GTF2F2: variants seen among roughly 807,000 people sequenced by gnomAD.
The protein encoded by GTF2F2 is ATP-dependent helicase GTF2F2.
GTF2F2 carries 23 observed loss-of-function variants against 42.2 expected under a neutral mutation model. That is an observed-to-expected ratio of 0.55 (90% CI 0.39 to 0.77). The LOEUF (loss-of-function observed/expected upper bound fraction) is 0.77, where lower values mean the gene tolerates loss of function less well. Among genes scored for constraint, GTF2F2 ranks in the 30% least tolerant of loss-of-function variants. The pLI is 0.00. For synonymous variants in GTF2F2, 105 were observed against 100.8 expected, an observed-to-expected ratio of 1.04 and a Z score of -0.25; for missense variants, 261 against 287.2, an observed-to-expected ratio of 0.91 and a Z score of 0.66.
At chr13:45,229,996 G>A (rs1381364477) in intron 5 of GTF2F2, among the ~76,000 whole-genome samples, 6 of 151,956 alleles carry the variant, frequency 3.9e-5, no homozygotes, top group East Asian at 1.9e-4. Flanking sequence ...TGGGCAGATC[G>A]CTTGAGGTCA....
intron 4 of GTF2F2, among the ~76,000 whole-genome samples, chr13:45,159,995 T>C (rs1870957256): frequency 6.6e-6 from 1 of 152,226 alleles, no homozygotes. Flanking sequence ...TCCTGAATTA[T>C]CACCAGCTGC....
rs1219582076 is a variant in GTF2F2, at chr13:45,121,550, C to A, written c.66+829C>A. 1.3e-5 allele frequency among the ~76,000 whole-genome samples: 2 copies of A among 152,136 alleles called. 1 individual carries two copies. The highest frequency in any genetic ancestry group is 4.1e-4 in the South Asian group (2 of 4,824). On this transcript the variant is annotated intron_variant, in intron 1 of 7. Coordinates refer to ENST00000340473, the MANE Select transcript of GTF2F2 (RefSeq NM_004128.3). ...TTCTTGTCGGCCTTCCTAAAACAGC[C>A]CCCTTGTGATCATTTGCTAACACGA...
At chr13:45,232,808 C>A (rs1455010817) in intron 5 of GTF2F2, among the ~76,000 whole-genome samples, 1 of 152,062 alleles carries the variant, frequency 6.6e-6, no homozygotes, top group Non-Finnish European at 1.5e-5. Context: ...TATATTTTTA[C>A]TTTTTAAATG....
intron 7 of GTF2F2, among the ~76,000 whole-genome samples, chr13:45,269,507 G>T (rs1876701575): frequency 6.6e-6 from 1 of 152,170 alleles, no homozygotes; most frequent in African/African-American, 2.4e-5. Flanking sequence ...TCTCCCCCAA[G>T]TAGGCAACTA....
chr13:45,149,688 G>GTTTT, intron 2 of GTF2F2, 82 bp from the exon 3 acceptor site: 1 of 1,285,438 alleles, frequency 7.8e-7, no homozygotes, highest in African/African-American at 1.6e-5. Flanking sequence ...TAAATATGAA[G>GTTTT]TTTTTTTTTA....
At chr13:45,174,888 T>C (rs530794967) in intron 4 of GTF2F2, among the ~76,000 whole-genome samples, 1 of 152,332 alleles carries the variant, frequency 6.6e-6, no homozygotes, top group Admixed American at 6.5e-5. Flanking sequence ...ATATGTACAA[T>C]GTATAAGGAG....
intron 4 of GTF2F2, among the ~76,000 whole-genome samples, chr13:45,164,932 T>A (rs1163727485): frequency 6.6e-6 from 1 of 152,238 alleles, no homozygotes; most frequent in African/African-American, 2.4e-5. Flanking sequence ...TTTTACATTC[T>A]CATAACTATT....
chr13:45,184,790 A>T (rs1593477664), intron 4 of GTF2F2, among the ~76,000 whole-genome samples: 1 of 151,898 alleles, frequency 6.6e-6, no homozygotes, highest in South Asian at 2.1e-4. Flanking sequence ...CCAAATTTGT[A>T]TATATTTTAT....
In GTF2F2 at chr13:45,120,572, C is replaced by T; in HGVS notation, c.-84C>T. 3 of 973,422 alleles carry T rather than the reference C, an allele frequency of 3.1e-6. No individual in the cohort carries two copies. The highest frequency in any genetic ancestry group is 3.2e-6 in the Non-Finnish European group (2 of 624,894). 60.3% of individuals were successfully genotyped at this position (973,422 alleles called of 1,614,324 possible). ...CTCTTCGCCTCTCAGCGCGGCTTGT[C>T]CTTTGTTCCGGACGCCCGCTCCTCA... On this transcript the variant is annotated 5_prime_UTR_variant, in exon 1 of 8. Transcript: ENST00000340473.
chr13:45,168,820 CTT>C lies in GTF2F2; in HGVS notation c.304+16990_304+16991del, dbSNP rs1566121327. On this transcript the variant is annotated intron_variant, in intron 4 of 7. Transcript: ENST00000340473. ...CCTTCCTTCCTTCCTTCCTTCCTTC[CTT>C]CCTTCCCTCCCTCTTTCCTTCCCTC... Among the ~76,000 whole-genome samples, 103 of 147,556 alleles carry C rather than the reference CTT, an allele frequency of 7.0e-4. 1 individual carries two copies. Among genetic ancestry groups the C allele is most frequent in the African/African-American group, 2.5e-3 (97 of 39,354 alleles).
rs34165758 is a variant in GTF2F2 at position 45,149,433 on chromosome 13, C to CA, written c.141-320dup. Among the ~76,000 whole-genome samples the CA allele has an allele frequency of 4.3e-3, 389 of 90,290 alleles. 2 individuals carry two copies. The highest frequency in any genetic ancestry group is 0.011 in the Middle Eastern group (2 of 174). 59.2% of individuals were successfully genotyped at this position (90,290 alleles called of 152,430 possible). ...GGTTGATAGAGGGAGACCCTGTCTC[C>CA]AAAAAAAAAAAAAAAAAGGGAAAAA... is the stretch of plus-strand genomic sequence containing the variant. On this transcript the variant is annotated intron_variant, in intron 2 of 7. Coordinates refer to ENST00000340473, the MANE Select transcript of GTF2F2 (RefSeq NM_004128.3).
At chr13:45,187,828 G>T (rs1872487398) in intron 4 of GTF2F2, among the ~76,000 whole-genome samples, 2 of 152,180 alleles carry the variant, frequency 1.3e-5, no homozygotes, top group South Asian at 4.1e-4. Context: ...TGACTAACAT[G>T]CATTGCTGTT....
chr13:45,157,329 GAA>G (rs1870810931), intron 4 of GTF2F2, among the ~76,000 whole-genome samples: 1 of 152,226 alleles, frequency 6.6e-6, no homozygotes, highest in Admixed American at 6.5e-5. Flanking sequence ...GGCAGATCAT[GAA>G]AAGATTTCTA....
At chr13:45,276,305 G>T (rs1451284397) in intron 7 of GTF2F2, among the ~76,000 whole-genome samples, 3 of 152,048 alleles carry the variant, frequency 2.0e-5, no homozygotes, top group African/African-American at 7.2e-5. Context: ...TTTCTACGTT[G>T]GGACTATTAT....
intron 4 of GTF2F2, among the ~76,000 whole-genome samples, chr13:45,153,787 G>A (rs1390996562): frequency 4.0e-5 from 6 of 151,892 alleles, no homozygotes; most frequent in Non-Finnish European, 8.8e-5. Context: ...AGACTAACCA[G>A]GCCAACATGG....
At chr13:45,268,255 T>C (rs1876651459) in intron 7 of GTF2F2, among the ~76,000 whole-genome samples, 1 of 152,194 alleles carries the variant, frequency 6.6e-6, no homozygotes, top group Non-Finnish European at 1.5e-5. Flanking sequence ...TGATTCTTGC[T>C]GCTCCATTTA....
At chr13:45,266,759 G>A (rs1876576751) in intron 6 of GTF2F2, among the ~76,000 whole-genome samples, 2 of 152,162 alleles carry the variant, frequency 1.3e-5, no homozygotes, top group African/African-American at 4.8e-5. Context: ...TTAAAGATAC[G>A]GGGACCCCAG....
intron 4 of GTF2F2, among the ~76,000 whole-genome samples, chr13:45,164,092 C>T (rs1871155752): frequency 6.6e-6 from 1 of 151,976 alleles, no homozygotes. Context: ...CCAGCCCGGC[C>T]AACTTGGCGA....
chr13:45,194,307 C>A lies in GTF2F2; in HGVS notation c.305-13117C>A. The A allele has an allele frequency of 6.2e-7, 1 of 1,614,152 alleles. No individual in the cohort carries two copies. The highest frequency in any genetic ancestry group is 8.5e-7 in the Non-Finnish European group (1 of 1,180,014). ...CATTTCGTAGGAAGTTTAGGACATGCCTGAAGAGGAGACCATCCCTGTCTA... is the reference window on the plus strand; with the variant it reads ...CATTTCGTAGGAAGTTTAGGACATGACTGAAGAGGAGACCATCCCTGTCTA... On this transcript the variant is annotated intron_variant, in intron 4 of 7. Coordinates refer to ENST00000340473, the MANE Select transcript of GTF2F2 (RefSeq NM_004128.3).
Sources: gnomAD v4.1 joint callset for allele counts (sites outside exome capture counted in the v4.1 genomes callset) on GRCh38, gnomAD v4.1.1 for gene constraint, MANE v1.5 for transcripts, NCBI Gene and HGNC (gene_info 2026-07-23, HGNC 2026-07-21) for gene names.